XRRA1: variants seen among roughly 807,000 people sequenced by gnomAD.
The protein encoded by XRRA1 is X-ray radiation resistance associated 1.
XRRA1 carries 69 observed loss-of-function variants against 80.2 expected under a neutral mutation model. The observed-to-expected ratio is 0.86, with a 90% CI of 0.71 to 1.05. XRRA1 has a LOEUF of 1.05. Among genes scored for constraint, XRRA1 ranks in the 50% least tolerant of loss-of-function variants. The probability of loss-of-function intolerance (pLI) is 0.00; values close to 1 mark genes in which losing one functional copy is unlikely to be tolerated. For synonymous variants in XRRA1, 348 were observed against 389.9 expected (o/e 0.89, Z 1.27); for missense variants, 967 against 976.4 (o/e 0.99, Z 0.13).
At position 74,935,958 on chromosome 11, in the gene XRRA1, A is replaced by G. The variant is rs116785278; in HGVS notation, c.279+926T>C. Among the ~76,000 whole-genome samples, 419 of 152,278 alleles carry G rather than the reference A, an allele frequency of 2.8e-3. 1 individual carries two copies. Among genetic ancestry groups the G allele is most frequent in the African/African-American group, 9.4e-3 (390 of 41,548 alleles). ...ATTATTTCAGTCCTCCTCATTCCCA[A>G]TGAGAAGTGGACCTAATAATGAAAC... On this transcript the variant is annotated intron_variant, in intron 4 of 18. Transcript: ENST00000684022.
intron 10 of XRRA1, among the ~76,000 whole-genome samples, chr11:74,896,245 G>C (rs956569352): frequency 1.3e-5 from 2 of 152,256 alleles, no homozygotes; most frequent in Non-Finnish European, 2.9e-5. Flanking sequence ...TCCAGACCTA[G>C]GTTCCTGGAC....
Position 74,878,765 on chromosome 11 carries a change from G to C in XRRA1, c.1004-15744C>G, listed in dbSNP as rs557094634. ...TTTTTCTCAGGTTTGTCAAAGATCAGATAGTTGTAGATATGCGGCATTATT... is the reference window on the plus strand; with the variant it reads ...TTTTTCTCAGGTTTGTCAAAGATCACATAGTTGTAGATATGCGGCATTATT... On this transcript the variant is annotated intron_variant, in intron 10 of 18. Transcript: ENST00000684022. 3.2e-3 allele frequency among the ~76,000 whole-genome samples: 489 copies of C among 151,004 alleles called. 2 individuals are homozygous for C. Among genetic ancestry groups the C allele is most frequent in the African/African-American group, 0.011 (472 of 41,170 alleles).
intron 7 of XRRA1, among the ~76,000 whole-genome samples, chr11:74,922,910 C>T (rs546131048): frequency 6.6e-6 from 1 of 152,300 alleles, no homozygotes; most frequent in Admixed American, 6.5e-5. Context: ...TCATCATCAT[C>T]ATCATTTCAT....
At chr11:74,933,121 A>G (rs914276704) in intron 5 of XRRA1, 10 of 152,218 alleles carry the variant, frequency 6.6e-5, no homozygotes, top group Admixed American at 5.2e-4. Context: ...TGGGAAAACC[A>G]TTACAATTGC....
intron 8 of XRRA1, chr11:74,919,393 T>C (rs1939908067): frequency 5.4e-6 from 1 of 183,538 alleles, no homozygotes; most frequent in Non-Finnish European, 1.1e-5. Context: ...TCTAATTTTA[T>C]ATGTGTTTAA....
intron 10 of XRRA1, chr11:74,864,080 TAA>T (rs2136011300): frequency 6.6e-6 from 1 of 152,132 alleles, no homozygotes; most frequent in Admixed American, 6.5e-5. Flanking sequence ...ATTAACAATA[TAA>T]AAAAGGGAAG....
intron 4 of XRRA1, among the ~76,000 whole-genome samples, chr11:74,934,770 T>C (rs1944521673): frequency 6.6e-6 from 1 of 152,050 alleles, no homozygotes; most frequent in African/African-American, 2.4e-5. Flanking sequence ...TAAAGGAGTG[T>C]GGATTTTATC....
intron 10 of XRRA1, among the ~76,000 whole-genome samples, chr11:74,900,955 C>T (rs1174132329): frequency 6.6e-6 from 1 of 152,050 alleles, no homozygotes; most frequent in African/African-American, 2.4e-5. Context: ...GTCTTAGCTA[C>T]AGCAATCAAA....
intron 8 of XRRA1, among the ~76,000 whole-genome samples, chr11:74,908,105 T>C (rs982173866): frequency 5.9e-5 from 9 of 152,272 alleles, no homozygotes; most frequent in Admixed American, 2.0e-4. Flanking sequence ...CAAATGCATA[T>C]AGTATACACA....
chr11:74,850,230 T>C (rs2039425326), intron 14 of XRRA1, among the ~76,000 whole-genome samples: 1 of 152,186 alleles, frequency 6.6e-6, no homozygotes, highest in African/African-American at 2.4e-5. Flanking sequence ...TGGGATAGCA[T>C]ACACGTAAGA....
intron 10 of XRRA1, among the ~76,000 whole-genome samples, chr11:74,879,440 A>C (rs559366248): frequency 6.6e-5 from 10 of 152,254 alleles, no homozygotes; most frequent in African/African-American, 2.4e-4. Flanking sequence ...TCTTTTCCTA[A>C]TTGAATACCC....
chr11:74,921,202 G>A lies in XRRA1; in HGVS notation c.656+12C>T. 2 of 1,613,308 alleles carry A rather than the reference G, an allele frequency of 1.2e-6. No homozygotes were observed. On this transcript the variant is annotated intron_variant, in intron 8 of 18. Coordinates refer to ENST00000684022, the MANE Select transcript of XRRA1 (RefSeq NM_001378157.1). The stretch of plus-strand genomic sequence containing the variant: ...CAAAAACACAGAATGGACTCCAGGA[G>A]GTAGAACTTACTGTTCTGCGACGGC...
intron 8 of XRRA1, among the ~76,000 whole-genome samples, chr11:74,907,903 T>C (rs2054997380): frequency 6.6e-6 from 1 of 152,162 alleles, no homozygotes; most frequent in South Asian, 2.1e-4. Flanking sequence ...ATGGGGGTGA[T>C]GCCCTGAATT....
At chr11:74,917,127 T>G (rs1430570014) in intron 8 of XRRA1, among the ~76,000 whole-genome samples, 1 of 152,230 alleles carries the variant, frequency 6.6e-6, no homozygotes, top group Non-Finnish European at 1.5e-5. Context: ...TGTGTGCCTC[T>G]GTGTGCACCT....
At chr11:74,938,738 G>A (rs1945636506) in intron 3 of XRRA1, among the ~76,000 whole-genome samples, 1 of 152,060 alleles carries the variant, frequency 6.6e-6, no homozygotes, top group South Asian at 2.1e-4. Flanking sequence ...TTTCCTAGAG[G>A]AAGAGGAAAT....
chr11:74,876,541 G>T lies in XRRA1; in HGVS notation c.1004-13520C>A, dbSNP rs989767873. Reference sequence around the variant, plus strand: ...ATAGGACCATCATTATTTAACCCAGGATATGTGGTATTAATAAAGACTCTG... The same window carrying T: ...ATAGGACCATCATTATTTAACCCAGTATATGTGGTATTAATAAAGACTCTG... On this transcript the variant is annotated intron_variant, in intron 10 of 18. Transcript: ENST00000684022. The T allele has an allele frequency of 9.9e-5, 15 of 152,086 alleles. 1 individual carries two copies. Among genetic ancestry groups the T allele is most frequent in the African/African-American group, 3.4e-4 (14 of 41,370 alleles). 9.4% of individuals were successfully genotyped at this position (152,086 alleles called of 1,614,324 possible).
At chr11:74,878,895 TG>T (rs2046760242) in intron 10 of XRRA1, among the ~76,000 whole-genome samples, 1 of 151,686 alleles carries the variant, frequency 6.6e-6, no homozygotes, top group Non-Finnish European at 1.5e-5. Context: ...AGTCAGGTAG[TG>T]TGATGCCTCC....
rs1273152497 is a variant in XRRA1 at position 74,842,320 on chromosome 11, T to G, written c.*880A>C. ...TCAAGTGGGCTGATGTGTTGTTATT[T>G]AAACAGTACCAAAGTGCATTCTTCA... On this transcript the variant is annotated 3_prime_UTR_variant, in exon 19 of 19. Coordinates refer to ENST00000684022, the MANE Select transcript of XRRA1 (RefSeq NM_001378157.1). 1 of 152,256 alleles carries G rather than the reference T, an allele frequency of 6.6e-6. No individual in the cohort carries two copies. Among genetic ancestry groups the G allele is most frequent in the African/African-American group, 2.4e-5 (1 of 41,472 alleles). 9.4% of individuals were successfully genotyped at this position (152,256 alleles called of 1,614,324 possible).
At chr11:74,916,014 A>G (rs1045160935) in intron 8 of XRRA1, among the ~76,000 whole-genome samples, 5 of 152,158 alleles carry the variant, frequency 3.3e-5, no homozygotes, top group African/African-American at 1.2e-4. Flanking sequence ...TCTGGCCTTA[A>G]AAGTTTCTGA....
Sources: allele counts gnomAD v4.1 joint callset (sites outside exome capture counted in the v4.1 genomes callset), GRCh38; gene constraint gnomAD v4.1.1; transcripts MANE v1.5; gene names NCBI Gene and HGNC (gene_info 2026-07-23, HGNC 2026-07-21).